The following AGBL4 variants were observed in gnomAD, a reference collection of about 807,000 sequenced individuals.
AGBL4 encodes cytosolic carboxypeptidase 6.
In AGBL4, 58 loss-of-function variants were observed where a neutral mutation model predicts 66.4. That is an observed-to-expected ratio of 0.87 (90% confidence interval 0.71 to 1.09). The LOEUF (loss-of-function observed/expected upper bound fraction) is 1.09, where lower values mean the gene tolerates loss of function less well. Among genes scored for constraint, AGBL4 ranks in the 50% least tolerant of loss-of-function variants. The pLI, the probability that AGBL4 is intolerant of heterozygous loss-of-function variation, is 0.00. For synonymous variants in AGBL4, 234 were observed against 222.9 expected (o/e 1.05, Z -0.44); for missense variants, 579 against 631.0 (o/e 0.92, Z 0.88).
intron 3 of AGBL4, among the ~76,000 whole-genome samples, chr1:49,564,030 A>T (rs1161201168): frequency 6.6e-6 from 1 of 152,054 alleles, no homozygotes; most frequent in African/African-American, 2.4e-5. Flanking sequence ...TTCCTGGTTT[A>T]GTCTTGGGAG....
intron 6 of AGBL4, chr1:48,761,175 A>T: frequency 1.3e-6 from 1 of 780,770 alleles, no homozygotes; most frequent in Non-Finnish European, 2.0e-6. Context: ...AGCAAGGCAA[A>T]TACACACGAG....
At chr1:49,948,047 TATAA>T (rs1396124251) in intron 1 of AGBL4, among the ~76,000 whole-genome samples, 114 of 5,384 alleles carry the variant, frequency 0.021, 1 homozygote, top group African/African-American at 0.034. Context: ...CATATAAATA[TATAA>T]ATATATATAT....
At chr1:49,465,985 T>G (rs1267328181) in intron 3 of AGBL4, among the ~76,000 whole-genome samples, 2 of 151,850 alleles carry the variant, frequency 1.3e-5, no homozygotes, top group Non-Finnish European at 2.9e-5. Flanking sequence ...ACTCATTTTA[T>G]TGCTTCAGAA....
chr1:48,706,437 A>T (rs1646881365), intron 6 of AGBL4, among the ~76,000 whole-genome samples: 2 of 152,330 alleles, frequency 1.3e-5, no homozygotes, highest in South Asian at 4.1e-4. Flanking sequence ...TTTCAACAAC[A>T]GGAATAGCTG....
chr1:48,745,977 T>C (rs1462605790), intron 6 of AGBL4, among the ~76,000 whole-genome samples: 3 of 152,076 alleles, frequency 2.0e-5, no homozygotes, highest in East Asian at 3.9e-4. Context: ...GAAAGGAGGC[T>C]TGAGGACAGC....
intron 3 of AGBL4, among the ~76,000 whole-genome samples, chr1:49,539,737 A>G (rs963413166): frequency 1.3e-5 from 2 of 152,222 alleles, no homozygotes; most frequent in Non-Finnish European, 2.9e-5. Flanking sequence ...TATCAAAACA[A>G]TATTGAATGA....
At chr1:49,101,273 C>T (rs13375008) in intron 4 of AGBL4, among the ~76,000 whole-genome samples, 5,040 of 152,020 alleles carry the variant, frequency 0.033, 241 homozygotes, top group African/African-American at 0.1. Flanking sequence ...CTGCAACCTC[C>T]GCCTCCCAGG....
rs57568896 is a variant in AGBL4 at position 49,917,108 on chromosome 1, C to T, written c.35-65590G>A. Among the ~76,000 whole-genome samples the T allele has an allele frequency of 8.5e-5, 13 of 152,264 alleles. No individual in the cohort carries two copies. The East Asian group carries it at 2.5e-3, about 29-fold the overall frequency. On this transcript the variant is annotated intron_variant, in intron 1 of 13. Transcript: ENST00000371839. Reference sequence around the variant, plus strand: ...AAGCACTAAACATGCAAAGGAACAACCGGTACCAGCCACTGCAAAATCATG... The same window carrying T: ...AAGCACTAAACATGCAAAGGAACAATCGGTACCAGCCACTGCAAAATCATG...
At chr1:49,919,695 A>G (rs1557580760) in intron 1 of AGBL4, among the ~76,000 whole-genome samples, 1 of 152,090 alleles carries the variant, frequency 6.6e-6, no homozygotes, top group Non-Finnish European at 1.5e-5. Context: ...TGCCATCCCC[A>G]TCAAGCTACC....
At chr1:49,900,631 A>G (rs1649674941) in intron 1 of AGBL4, among the ~76,000 whole-genome samples, 1 of 152,176 alleles carries the variant, frequency 6.6e-6, no homozygotes, top group African/African-American at 2.4e-5. Flanking sequence ...TGAAGCAAAT[A>G]TCACACTAAT....
At chr1:48,728,178 T>A in intron 6 of AGBL4, 1 of 753,210 alleles carries the variant, frequency 1.3e-6, no homozygotes, top group Non-Finnish European at 2.1e-6. Flanking sequence ...AGCTATATTT[T>A]AAAATTTGCA....
chr1:48,665,792 C>T (rs1193651263), intron 6 of AGBL4, among the ~76,000 whole-genome samples: 1 of 152,100 alleles, frequency 6.6e-6, no homozygotes, highest in Non-Finnish European at 1.5e-5. Context: ...ATCACCAAGC[C>T]CTTTTAAAAG....
chr1:49,550,306 T>C (rs1258918910), intron 3 of AGBL4, among the ~76,000 whole-genome samples: 7 of 152,208 alleles, frequency 4.6e-5, no homozygotes. Flanking sequence ...TGAGGTACCG[T>C]TACATTCATA....
chr1:49,976,699 A>G (rs1327089122), intron 1 of AGBL4, among the ~76,000 whole-genome samples: 1 of 152,242 alleles, frequency 6.6e-6, no homozygotes, highest in Non-Finnish European at 1.5e-5. Flanking sequence ...AATGATGTCA[A>G]ACAATCCTTT....
chr1:49,060,978 CA>C (rs1644392216), intron 4 of AGBL4, among the ~76,000 whole-genome samples: 1 of 152,076 alleles, frequency 6.6e-6, no homozygotes, highest in Non-Finnish European at 1.5e-5. Context: ...TGAGTTGGTC[CA>C]AAAACTAGGT....
intron 3 of AGBL4, among the ~76,000 whole-genome samples, chr1:49,624,359 T>C (rs1289358451): frequency 6.6e-6 from 1 of 152,192 alleles, no homozygotes; most frequent in Non-Finnish European, 1.5e-5. Flanking sequence ...CTGACAGGGA[T>C]CTTAAGAAGC....
chr1:49,831,981 T>TTC (rs1645696319), intron 2 of AGBL4, among the ~76,000 whole-genome samples: 1 of 129,466 alleles, frequency 7.7e-6, no homozygotes. Context: ...GTGGATAAGC[T>TTC]TTTTTTTTTT....
At chr1:49,406,840 C>T (rs553780050) in intron 3 of AGBL4, among the ~76,000 whole-genome samples, 9 of 151,540 alleles carry the variant, frequency 5.9e-5, no homozygotes, top group Non-Finnish European at 1.2e-4. Flanking sequence ...CCGAGGTGGG[C>T]GGATCACGAG....
the AGBL4 span, among the ~76,000 whole-genome samples, chr1:48,524,570 G>C: frequency 6.6e-6 from 1 of 152,138 alleles, no homozygotes; most frequent in African/African-American, 2.4e-5. Flanking sequence ...TGGATGAAAT[G>C]TCAAGAAAGT....
Sources: allele counts gnomAD v4.1 joint callset (sites outside exome capture counted in the v4.1 genomes callset), GRCh38; gene constraint gnomAD v4.1.1; transcripts MANE v1.5; gene names NCBI Gene and HGNC (gene_info 2026-07-23, HGNC 2026-07-21).